MYO3A: variants seen among roughly 807,000 people sequenced by gnomAD.
MYO3A encodes myosin-IIIa.
A neutral mutation model predicts 192.7 loss-of-function variants in MYO3A; 180 were observed. That is an observed-to-expected ratio of 0.93 (90% CI 0.83 to 1.06). MYO3A has a LOEUF of 1.06. Ranked by LOEUF, MYO3A falls within the 50% of genes least tolerant of loss-of-function variation. MYO3A has a pLI of 0.00. For missense variants in MYO3A, 1,896 were observed against 1,905.0 expected (o/e 1.00, Z 0.09); for synonymous variants, 628 against 645.3 (o/e 0.97, Z 0.41).
intron 25 of MYO3A, among the ~76,000 whole-genome samples, chr10:26,155,753 A>G (rs1417977965): frequency 2.0e-5 from 3 of 152,234 alleles, no homozygotes; most frequent in Non-Finnish European, 2.9e-5. Context: ...TGTTGCTAAT[A>G]CATTTCACTT....
chr10:26,202,829 C>A lies in MYO3A; in HGVS notation c.4587-135C>A, dbSNP rs77828234. On this transcript the variant is annotated intron_variant, in intron 33 of 34. Transcript: ENST00000642920. ...ACACTGTTTTTCCCACATTTCAAGA[C>A]CTTCCATTTCTATTGACATGTGTAT... 73,920 of 981,090 alleles carry A rather than the reference C, an allele frequency of 0.075. 3,178 individuals carry two copies. The highest frequency in any genetic ancestry group is 0.088 in the Non-Finnish European group (58,429 of 667,714). 60.8% of individuals were successfully genotyped at this position (981,090 alleles called of 1,614,324 possible).
intron 17 of MYO3A, among the ~76,000 whole-genome samples, chr10:26,105,494 A>C (rs191626921): frequency 6.6e-6 from 1 of 152,148 alleles, no homozygotes; most frequent in East Asian, 1.9e-4. Flanking sequence ...AGCTGCTTAG[A>C]TTTACTCTTA....
chr10:26,202,524 G>C (rs1301546725), intron 33 of MYO3A, among the ~76,000 whole-genome samples: 3 of 152,172 alleles, frequency 2.0e-5, no homozygotes, highest in Non-Finnish European at 2.9e-5. Context: ...TCATGAAGGA[G>C]GTAAGTTAAG....
intron 18 of MYO3A, 64 bp downstream of exon 18, chr10:26,120,866 T>C: frequency 1.3e-6 from 2 of 1,581,398 alleles, no homozygotes; most frequent in Non-Finnish European, 1.7e-6. Context: ...ACCATAAGTA[T>C]CACATAAGGA....
chr10:25,995,063 C>A (rs1039593328), intron 4 of MYO3A, among the ~76,000 whole-genome samples: 4 of 152,168 alleles, frequency 2.6e-5, no homozygotes, highest in Non-Finnish European at 5.9e-5. Flanking sequence ...TCCTGCCTTG[C>A]TTGGTTGGGG....
chr10:26,057,348 GAATCAATAGACA>G (rs1158604882), intron 10 of MYO3A, among the ~76,000 whole-genome samples: 1 of 152,136 alleles, frequency 6.6e-6, no homozygotes, highest in Non-Finnish European at 1.5e-5. Flanking sequence ...CACAGATAAA[GAATCAATAGACA>G]AATTAGTAGG....
intron 8 of MYO3A, chr10:26,021,874 C>G: frequency 1.8e-6 from 1 of 559,754 alleles, no homozygotes; most frequent in Non-Finnish European, 3.1e-6. Flanking sequence ...GTGTGTCTTT[C>G]TCTCTTTTGC....
intron 10 of MYO3A, among the ~76,000 whole-genome samples, chr10:26,033,547 A>G (rs945042724): frequency 2.6e-5 from 4 of 152,212 alleles, no homozygotes; most frequent in African/African-American, 9.7e-5. Context: ...TTGCTACCCT[A>G]GAAATCGCGG....
intron 31 of MYO3A, among the ~76,000 whole-genome samples, chr10:26,182,636 A>G (rs1842665691): frequency 6.6e-6 from 1 of 152,188 alleles, no homozygotes; most frequent in Admixed American, 6.5e-5. Flanking sequence ...CCAAGTTTTC[A>G]CCTCAGGCTA....
At chr10:26,003,022 T>C (rs912509769) in intron 6 of MYO3A, among the ~76,000 whole-genome samples, 8 of 152,100 alleles carry the variant, frequency 5.3e-5, no homozygotes, top group African/African-American at 1.9e-4. Flanking sequence ...ACTTAATGAA[T>C]GAATGAAGGA....
At chr10:26,074,869 T>G (rs1000088633) in intron 14 of MYO3A, among the ~76,000 whole-genome samples, 22 of 152,070 alleles carry the variant, frequency 1.4e-4, no homozygotes, top group African/African-American at 5.3e-4. Flanking sequence ...TTTTATAGTT[T>G]GTAGTCTGAT....
At chr10:26,136,518 CT>C (rs1380971953) in intron 20 of MYO3A, among the ~76,000 whole-genome samples, 1 of 152,166 alleles carries the variant, frequency 6.6e-6, no homozygotes, top group African/African-American at 2.4e-5. Context: ...TTGGAAGAAT[CT>C]TTTTAAAACT....
Position 26,203,108 on chromosome 10 carries a change from G to A in MYO3A, c.4730+1G>A, listed in dbSNP as rs1445717722. ...ATCAATGTATTAAGGCTAATGAAAG[G>A]TAAAAAGCTAAACTTTAAAGTACAT... On this transcript the variant is annotated splice_donor_variant, in intron 34 of 34. Transcript: ENST00000642920. LOFTEE classifies it high-confidence loss of function. 2.1e-5 allele frequency: 34 copies of A among 1,613,252 alleles called. No homozygotes were observed. Among genetic ancestry groups the A allele is most frequent in the Non-Finnish European group, 2.6e-5 (31 of 1,179,600 alleles).
intron 9 of MYO3A, among the ~76,000 whole-genome samples, chr10:26,024,935 G>A (rs1014719533): frequency 6.6e-6 from 1 of 152,196 alleles, no homozygotes; most frequent in Non-Finnish European, 1.5e-5. Flanking sequence ...TAGACAGTAA[G>A]CAACTCTAGG....
rs1564651378 is a variant in MYO3A at position 26,212,350 on chromosome 10, G to C, written c.*387G>C. The C allele has an allele frequency of 1.7e-5, 6 of 348,968 alleles. No homozygotes were observed. 21.6% of individuals were successfully genotyped at this position (348,968 alleles called of 1,614,324 possible). A position where few individuals can be genotyped will look rare whatever the true frequency, so the allele number is the denominator to read the frequency against. ...CTCATTTGGGGTGACTGAATTCACA[G>C]ATTTTTTTTTTTATTGGAAACGGCT... On this transcript the variant is annotated 3_prime_UTR_variant, in exon 35 of 35. Transcript: ENST00000642920.
intron 20 of MYO3A, among the ~76,000 whole-genome samples, chr10:26,135,169 C>T (rs1427825327): frequency 4.6e-5 from 7 of 152,102 alleles, no homozygotes; most frequent in African/African-American, 1.7e-4. Flanking sequence ...CTTCTGACAG[C>T]TATCCATGGT....
chr10:26,172,375 C>A (rs1015726716), intron 29 of MYO3A, among the ~76,000 whole-genome samples: 4 of 152,200 alleles, frequency 2.6e-5, no homozygotes, highest in Admixed American at 2.0e-4. Flanking sequence ...GTCCTCCCCA[C>A]GCTGGAGCTC....
intron 6 of MYO3A, among the ~76,000 whole-genome samples, chr10:26,008,208 C>T (rs1299687503): frequency 6.8e-6 from 1 of 147,768 alleles, no homozygotes; most frequent in Non-Finnish European, 1.5e-5. Flanking sequence ...GGATCCCTTC[C>T]TTACACCTTA....
At chr10:26,004,788 T>C (rs914173278) in intron 6 of MYO3A, among the ~76,000 whole-genome samples, 4 of 152,170 alleles carry the variant, frequency 2.6e-5, no homozygotes, top group Admixed American at 2.0e-4. Flanking sequence ...CTGGTAATGA[T>C]AGTAATTCAC....
Sources: allele counts gnomAD v4.1 joint callset (sites outside exome capture counted in the v4.1 genomes callset), GRCh38; gene constraint gnomAD v4.1.1; transcripts MANE v1.5; gene names NCBI Gene and HGNC (gene_info 2026-07-23, HGNC 2026-07-21).